Variants in HEATR1 observed in about 807,000 individuals in gnomAD.
The protein encoded by HEATR1 is HEAT repeat containing 1, also known as HEAT repeat-containing protein 1.
In HEATR1, 77 loss-of-function variants were observed where a neutral mutation model predicts 248.2. The observed-to-expected ratio is 0.31, with a 90% CI of 0.26 to 0.37. The LOEUF (loss-of-function observed/expected upper bound fraction) is 0.37, where lower values mean the gene tolerates loss of function less well. HEATR1 is among the 10% of genes least tolerant of loss of function. The pLI, the probability that HEATR1 is intolerant of heterozygous loss-of-function variation, is 1.00. For missense variants in HEATR1, 2,420 were observed against 2,504.9 expected (o/e 0.97, Z 0.72); for synonymous variants, 897 against 923.1 (o/e 0.97, Z 0.51).
rs1398684274 is a variant in HEATR1 at position 236,554,808 on chromosome 1, C to T, written c.5924-56G>A. ...AACACTGAACTTAACCATTTAATCT[C>T]CAATGTTTACATTGAAATCACTATT... On this transcript the variant is annotated intron_variant, in intron 41 of 44. Coordinates refer to ENST00000366582, the MANE Select transcript of HEATR1 (RefSeq NM_018072.6). The T allele has an allele frequency of 1.6e-5, 23 of 1,398,194 alleles. 2 individuals are homozygous for T. The highest frequency in any genetic ancestry group is 4.0e-4 in the Middle Eastern group (2 of 5,006). The allele number at this position is 1,398,194 out of a possible 1,614,324, so 86.6% of individuals were successfully genotyped here.
In HEATR1 at chr1:236,566,002, C is replaced by T; in HGVS notation, c.4352G>A (p.Cys1451Tyr). The T allele has an allele frequency of 6.2e-7, 1 of 1,613,930 alleles. No individual in the cohort carries two copies. Among genetic ancestry groups the T allele is most frequent in the Non-Finnish European group, 8.5e-7 (1 of 1,179,896 alleles). ...CTGATGCTGGACACTAAACTCACAA[C>T]AGACTGAAAACCAAAATTCAGTGTC... is the stretch of plus-strand genomic sequence containing the variant. Reference protein sequence around the residue: ...EADTEFWFSVCCEFSVQHQIQ... With the variant: ...EADTEFWFSVYCEFSVQHQIQ... Residue 1451 changes from cysteine (C) to tyrosine (Y), a missense_variant, in exon 31 of 45, where the codon TGT becomes TAT. By Grantham distance (194) the Cys-to-Tyr change is radical. Coordinates refer to ENST00000366582, the MANE Select transcript of HEATR1 (RefSeq NM_018072.6).
intron 12 of HEATR1, among the ~76,000 whole-genome samples, chr1:236,589,071 G>GC (rs1163590769): frequency 4.6e-5 from 7 of 152,188 alleles, no homozygotes; most frequent in Admixed American, 4.6e-4. Flanking sequence ...GACATCAACT[G>GC]CAATTACAAT....
At position 236,587,498 on chromosome 1, in the gene HEATR1, GA is replaced by G. The variant is rs770518759; in HGVS notation, c.1627-9del. 2.7e-5 allele frequency: 38 copies of G among 1,410,260 alleles called. No homozygotes were observed. Among genetic ancestry groups the G allele is most frequent in the East Asian group, 2.2e-4 (9 of 41,280 alleles). 87.4% of individuals were successfully genotyped at this position (1,410,260 alleles called of 1,614,324 possible). On this transcript the variant is annotated splice_polypyrimidine_tract_variant and intron_variant, in intron 13 of 44. Transcript: ENST00000366582. Reference sequence around the variant, plus strand: ...GAAGTGTTCTTTGAAAATCTAAAGGGAAAAAAATATCCAGAGTAGATTTGTA... The same window carrying G: ...GAAGTGTTCTTTGAAAATCTAAAGGGAAAAAATATCCAGAGTAGATTTGTA...
rs1477053411 is a variant in HEATR1 at position 236,573,375 on chromosome 1, C to T, written c.3460-547G>A. On this transcript the variant is annotated intron_variant, in intron 24 of 44. Transcript: ENST00000366582. ...AAACAGATTTACTGCCCCAGAGATT[C>T]TTTAGATATGGGGTGGGATCCAGAT... Among the ~76,000 whole-genome samples, 4 of 152,158 alleles carry T rather than the reference C, an allele frequency of 2.6e-5. 1 individual carries two copies. Among genetic ancestry groups the T allele is most frequent in the Admixed American group, 1.3e-4 (2 of 15,280 alleles).
At chr1:236,582,457 C>A (rs1039906776) in intron 19 of HEATR1, among the ~76,000 whole-genome samples, 1 of 151,008 alleles carries the variant, frequency 6.6e-6, no homozygotes, top group Non-Finnish European at 1.5e-5. Flanking sequence ...GGCTGGAGTA[C>A]GGTGGTGTGA....
At chr1:236,558,141 T>C (rs1663025118) in intron 36 of HEATR1, 96 bp downstream of exon 36, 9 of 1,298,334 alleles carry the variant, frequency 6.9e-6, no homozygotes, top group Non-Finnish European at 9.5e-6. Flanking sequence ...TTATGCAACG[T>C]CTACTCAGAG....
At chr1:236,589,774 T>C (rs1312670310) in intron 12 of HEATR1, among the ~76,000 whole-genome samples, 1 of 152,194 alleles carries the variant, frequency 6.6e-6, no homozygotes, top group Non-Finnish European at 1.5e-5. Context: ...CGGTGCATAA[T>C]TTTAGATATG....
chr1:236,577,439 A>G (rs376879823), intron 20 of HEATR1, among the ~76,000 whole-genome samples: 3 of 144,752 alleles, frequency 2.1e-5, no homozygotes, highest in African/African-American at 7.7e-5. Flanking sequence ...ACACATCTAA[A>G]CTCTTGCGAA....
At chr1:236,603,852 A>T in intron 2 of HEATR1, 102 bp downstream of exon 2, 1 of 1,259,102 alleles carries the variant, frequency 7.9e-7, no homozygotes. Context: ...ACTGCTAAGG[A>T]AGAGGACGGG....
Position 236,603,592 on chromosome 1 carries a change from C to CT in HEATR1, c.143-217dup, listed in dbSNP as rs55829950. On this transcript the variant is annotated intron_variant, in intron 2 of 44. Coordinates refer to ENST00000366582, the MANE Select transcript of HEATR1 (RefSeq NM_018072.6). ...AGAAAGTACTTCGTGGCAGGGAACA[C>CT]TTTTTTTTTTTTTTTTTTGGATATC... Among the ~76,000 whole-genome samples, 144 of 127,376 alleles carry CT rather than the reference C, an allele frequency of 1.1e-3. 1 individual carries two copies. Among genetic ancestry groups the CT allele is most frequent in the Middle Eastern group, 4.1e-3 (1 of 246 alleles). 83.6% of individuals were successfully genotyped at this position (127,376 alleles called of 152,430 possible).
chr1:236,551,729 A>G (rs1662754994), intron 44 of HEATR1: 3 of 347,498 alleles, frequency 8.6e-6, no homozygotes, highest in South Asian at 9.5e-5. Context: ...ATGATCACAA[A>G]CCACCACAAA....
At chr1:236,554,078 G>A (rs956221318) in intron 42 of HEATR1, among the ~76,000 whole-genome samples, 1 of 152,058 alleles carries the variant, frequency 6.6e-6, no homozygotes, top group Non-Finnish European at 1.5e-5. Context: ...CTTTTGAGCA[G>A]TTTAAAAAAT....
chr1:236,600,606 C>T (rs1330052854), intron 3 of HEATR1, among the ~76,000 whole-genome samples: 1 of 151,952 alleles, frequency 6.6e-6, no homozygotes, highest in Admixed American at 6.6e-5. Context: ...TCTCAGCTCA[C>T]TGCAACCTTC....
chr1:236,555,617 G>T lies in HEATR1; in HGVS notation c.5688C>A (p.Ile1896=), dbSNP rs201515471. ...LEEVGKTENC[I]IDCLVAMVVK... is the part of the protein sequence containing the mutation. ...CAACCATGGCTACTAGACAGTCAAT[G>T]ATACAATTTTCCGTTTTTCCAACTT... The change falls in exon 40 of 45, where the codon ATC becomes ATA. Residue 1896 remains isoleucine, a synonymous_variant. Coordinates refer to ENST00000366582, the MANE Select transcript of HEATR1 (RefSeq NM_018072.6). 1.2e-6 allele frequency: 2 copies of T among 1,614,224 alleles called. No individual in the cohort carries two copies. Among genetic ancestry groups the T allele is most frequent in the East Asian group, 4.5e-5 (2 of 44,886 alleles).
chr1:236,595,750 T>C (rs1664161860), intron 7 of HEATR1, 77 bp from the exon 8 acceptor site: 1 of 1,500,742 alleles, frequency 6.7e-7, no homozygotes, highest in African/African-American at 1.4e-5. Flanking sequence ...AAATATATAA[T>C]CACTTATCTT....
At position 236,574,824 on chromosome 1, in the gene HEATR1, T is replaced by A; in HGVS notation, c.3164A>T (p.Asp1055Val). 6.2e-7 allele frequency: 1 copy of A among 1,614,022 alleles called. No homozygotes were observed. Among genetic ancestry groups the A allele is most frequent in the Non-Finnish European group, 8.5e-7 (1 of 1,179,868 alleles). The change falls in exon 23 of 45, where the codon GAT (aspartate) becomes GTT (valine). Residue 1055 changes from aspartate (D) to valine (V), a missense_variant. Physicochemically the swap from Asp to Val is radical, Grantham distance 152. Coordinates refer to ENST00000366582, the MANE Select transcript of HEATR1 (RefSeq NM_018072.6). ...IQKEPTAVLK[D>V]EAMVLHLTLG... ...AGTGAGATGCAGAACCATGGCCTCA[T>A]CTTTCAGCACAGCTGTGGGCTCCTT...
intron 37 of HEATR1, among the ~76,000 whole-genome samples, chr1:236,556,580 C>T (rs1024171021): frequency 6.6e-6 from 1 of 152,174 alleles, no homozygotes; most frequent in South Asian, 2.1e-4. Context: ...TGAGAAAGCT[C>T]CTCAGAGCAC....
intron 20 of HEATR1, among the ~76,000 whole-genome samples, chr1:236,578,602 C>T (rs1184130922): frequency 6.6e-6 from 1 of 152,182 alleles, no homozygotes; most frequent in African/African-American, 2.4e-5. Flanking sequence ...GTTCCCTTTA[C>T]TGAACCAATT....
At chr1:236,575,041 C>T (rs544288481) in intron 22 of HEATR1, 138 bp from the exon 23 acceptor site, 1 of 731,582 alleles carries the variant, frequency 1.4e-6, no homozygotes, top group East Asian at 2.7e-5. Context: ...ACTTCTTAGA[C>T]ATGGAGACAG....
Sources: allele counts gnomAD v4.1 joint callset (sites outside exome capture counted in the v4.1 genomes callset), GRCh38; gene constraint gnomAD v4.1.1; transcripts MANE v1.5; gene names NCBI Gene and HGNC (gene_info 2026-07-23, HGNC 2026-07-21).